Variants in JMJD7 observed in about 807,000 individuals in gnomAD.
JMJD7 encodes jumonji domain containing 7.
JMJD7 carries 41 observed loss-of-function variants against 41.1 expected under a neutral mutation model. That is an observed-to-expected ratio of 1.00 (90% CI 0.78 to 1.30). JMJD7 has a LOEUF of 1.30. Ranked by LOEUF, JMJD7 falls within the 50% of genes most tolerant of loss-of-function variation. The pLI, the probability that JMJD7 is intolerant of heterozygous loss-of-function variation, is 0.00. For synonymous variants in JMJD7, 202 were observed against 177.2 expected, an observed-to-expected ratio of 1.14 and a Z score of -1.11; for missense variants, 480 against 420.7, an observed-to-expected ratio of 1.14 and a Z score of -1.23.
Position 41,837,184 on chromosome 15 carries a change from C to T in JMJD7, c.*28C>T, listed in dbSNP as rs142031831. The T allele has an allele frequency of 8.5e-6, 13 of 1,521,784 alleles. No individual in the cohort carries two copies. The highest frequency in any genetic ancestry group is 2.3e-5 in the South Asian group (2 of 86,998). 94.3% of individuals were successfully genotyped at this position (1,521,784 alleles called of 1,614,324 possible). A position where few individuals can be genotyped will look rare whatever the true frequency, so the allele number is the denominator to read the frequency against. The stretch of plus-strand genomic sequence containing the variant: ...GAGCACTGGTGAACACCACCAAGCA[C>T]GCCTCGGGGGACGGAGCCAGCCCCT... On this transcript the variant is annotated 3_prime_UTR_variant, in exon 8 of 8. Coordinates refer to ENST00000397299, the MANE Select transcript of JMJD7 (RefSeq NM_001114632.2).
chr15:41,834,448 G>C lies in JMJD7; in HGVS notation c.65-292G>C, dbSNP rs1361890791. On this transcript the variant is annotated intron_variant, in intron 1 of 7. Transcript: ENST00000397299. ...GAGGCTGGCCTCTCCAGGGTGGGAA[G>C]GCATAGGGTCCACTGTGCAGACACA... Among the ~76,000 whole-genome samples the C allele has an allele frequency of 2.0e-5, 3 of 152,270 alleles. No individual in the cohort carries two copies. The East Asian group carries it at 5.8e-4, about 29-fold the overall frequency.
chr15:41,836,260 G>T lies in JMJD7; in HGVS notation c.625+17G>T. The T allele has an allele frequency of 6.2e-7, 1 of 1,611,870 alleles. No individual in the cohort carries two copies. Among genetic ancestry groups the T allele is most frequent in the Non-Finnish European group, 8.5e-7 (1 of 1,179,024 alleles). On this transcript the variant is annotated intron_variant, in intron 5 of 7. Coordinates refer to ENST00000397299, the MANE Select transcript of JMJD7 (RefSeq NM_001114632.2). The stretch of plus-strand genomic sequence containing the variant: ...TCCCCTATGGTAGGGGATGTGGCCT[G>T]CAGGGAGGGGCTGGGGAACAGCTGG...
At chr15:41,828,627 TTCTC>T (rs1454562228) in intron 1 of JMJD7, 1 of 161,012 alleles carries the variant, frequency 6.2e-6, no homozygotes, top group Non-Finnish European at 1.3e-5. Context: ...TTTTCTTTCT[TTCTC>T]TCTTCCCTCC....
At position 41,835,620 on chromosome 15, in the gene JMJD7, G is replaced by C. The variant is rs778366870; in HGVS notation, c.505G>C (p.Gly169Arg). 1.2e-6 allele frequency: 2 copies of C among 1,613,862 alleles called. No individual in the cohort carries two copies. Among genetic ancestry groups the C allele is most frequent in the African/African-American group, 1.3e-5 (1 of 75,036 alleles). Residue 169 changes from glycine to arginine, a missense_variant, in exon 4 of 8, where the codon GGG becomes CGG. Coordinates refer to ENST00000397299, the MANE Select transcript of JMJD7 (RefSeq NM_001114632.2). The stretch of plus-strand genomic sequence containing the variant: ...GCCCGATGCTGTGAACTTCTGGCTG[G>C]GGGAGGCGGCTGCAGTGACTTCTTG... ...KMPDAVNFWL[G>R]EAAAVTSLHK...
intron 3 of JMJD7, 79 bp downstream of exon 3, chr15:41,835,302 T>A: frequency 6.6e-7 from 1 of 1,518,076 alleles, no homozygotes; most frequent in Non-Finnish European, 8.8e-7. Context: ...TGCCCTTAGG[T>A]GATGACCTGG....
chr15:41,836,618 C>T (rs2065321888), intron 6 of JMJD7, 67 bp downstream of exon 6: 1 of 1,484,278 alleles, frequency 6.7e-7, no homozygotes, highest in Non-Finnish European at 8.9e-7. Flanking sequence ...AGAACAGGCA[C>T]AAAAGATCTG....
At chr15:41,836,661 A>C in intron 6 of JMJD7, 110 bp downstream of exon 6, 1 of 1,465,136 alleles carries the variant, frequency 6.8e-7, no homozygotes, top group Non-Finnish European at 9.0e-7. Flanking sequence ...AAAGTCTCTA[A>C]GTCTGAGGCC....
chr15:41,829,130 G>A (rs1191752521), intron 1 of JMJD7: 1 of 152,264 alleles, frequency 6.6e-6, no homozygotes, highest in Admixed American at 6.5e-5. Context: ...TTCTAAGTGA[G>A]AACGTGGACA....
At chr15:41,832,917 C>CA in intron 1 of JMJD7, among the ~76,000 whole-genome samples, 1 of 152,302 alleles carries the variant, frequency 6.6e-6, no homozygotes, top group East Asian at 1.9e-4. Context: ...AGTAGAAAGA[C>CA]ACTCCAGTCT....
At chr15:41,833,986 A>G (rs1409602790) in intron 1 of JMJD7, among the ~76,000 whole-genome samples, 1 of 152,126 alleles carries the variant, frequency 6.6e-6, no homozygotes, top group Non-Finnish European at 1.5e-5. Flanking sequence ...ACGGGAGTGA[A>G]GGAGAAAGCT....
At chr15:41,835,783 G>C (rs1262221446) in intron 4 of JMJD7, 139 bp downstream of exon 4, 2 of 1,079,922 alleles carry the variant, frequency 1.9e-6, no homozygotes, top group Non-Finnish European at 2.6e-6. Flanking sequence ...TAGGACTCGG[G>C]CACCACAGAG....
chr15:41,833,743 G>A (rs2065268625), intron 1 of JMJD7, among the ~76,000 whole-genome samples: 1 of 152,010 alleles, frequency 6.6e-6, no homozygotes, highest in South Asian at 2.1e-4. Flanking sequence ...CATGTCAGAT[G>A]GTGATGAATG....
intron 1 of JMJD7, among the ~76,000 whole-genome samples, chr15:41,830,993 C>A (rs976132856): frequency 6.6e-6 from 1 of 152,190 alleles, no homozygotes; most frequent in Non-Finnish European, 1.5e-5. Context: ...TGGCGGGTCC[C>A]GGTGAAGCCC....
intron 1 of JMJD7, among the ~76,000 whole-genome samples, chr15:41,833,679 C>G (rs2065267354): frequency 6.6e-6 from 1 of 151,814 alleles, no homozygotes; most frequent in Non-Finnish European, 1.5e-5. Flanking sequence ...CTCTGCCTCC[C>G]AAAGTGCTGG....
intron 1 of JMJD7, among the ~76,000 whole-genome samples, chr15:41,833,366 T>C (rs774442323): frequency 7.2e-6 from 1 of 139,254 alleles, no homozygotes; most frequent in African/African-American, 2.6e-5. Flanking sequence ...GGTGAAAGAA[T>C]GATAAACAGT....
chr15:41,828,332 C>T (rs2065170990), intron 1 of JMJD7, 144 bp downstream of exon 1: 12 of 1,012,832 alleles, frequency 1.2e-5, no homozygotes, highest in East Asian at 9.9e-5. Flanking sequence ...ACCTGCTTCC[C>T]TTCTCCCGTG....
intron 1 of JMJD7, among the ~76,000 whole-genome samples, chr15:41,830,667 T>C (rs1230099729): frequency 6.6e-6 from 1 of 152,168 alleles, no homozygotes; most frequent in Non-Finnish European, 1.5e-5. Context: ...GTCTGCACTT[T>C]TGGGGACCCA....
chr15:41,834,084 G>A (rs1346905224), intron 1 of JMJD7, among the ~76,000 whole-genome samples: 1 of 152,214 alleles, frequency 6.6e-6, no homozygotes, highest in African/African-American at 2.4e-5. Flanking sequence ...CGAAGTGTAC[G>A]TGGTGGCCCT....
chr15:41,828,239 C>G (rs13380315), intron 1 of JMJD7, 51 bp downstream of exon 1: 721,839 of 1,471,536 alleles, frequency 0.49, 180,573 homozygotes, highest in Middle Eastern at 0.59. Flanking sequence ...GGGAGGGGCC[C>G]TGGGATGCCG....
Sources: allele counts gnomAD v4.1 joint callset (sites outside exome capture counted in the v4.1 genomes callset), GRCh38; gene constraint gnomAD v4.1.1; transcripts MANE v1.5; gene names NCBI Gene and HGNC (gene_info 2026-07-23, HGNC 2026-07-21).